Variants in AFAP1 observed in about 807,000 individuals in gnomAD.
AFAP1 encodes the protein actin filament associated protein 1.
In AFAP1, 75 loss-of-function variants were observed where a neutral mutation model predicts 93.9. The ratio of observed to expected loss-of-function variants is 0.80; its 90% CI spans 0.66 to 0.97. The LOEUF is 0.97. Among genes scored for constraint, AFAP1 ranks in the 50% least tolerant of loss-of-function variants. The pLI is 0.00. For missense variants in AFAP1, 1,201 were observed against 1,050.8 expected (o/e 1.14, Z -1.98); for synonymous variants, 517 against 430.7 (o/e 1.20, Z -2.48).
intron 10 of AFAP1, among the ~76,000 whole-genome samples, chr4:7,796,345 G>C (rs764692718): frequency 3.3e-5 from 5 of 152,180 alleles, no homozygotes; most frequent in Non-Finnish European, 7.3e-5. Flanking sequence ...CTTTATTACA[G>C]GGACATGGCA....
At chr4:7,889,408 C>T (rs7676488) in intron 1 of AFAP1, among the ~76,000 whole-genome samples, 17,022 of 151,296 alleles carry the variant, frequency 0.11, 1,663 homozygotes, top group East Asian at 0.5. Flanking sequence ...ATTAGCCAGG[C>T]GTGGTGGCAC....
intron 1 of AFAP1, among the ~76,000 whole-genome samples, chr4:7,878,130 A>G (rs903056817): frequency 3.3e-5 from 5 of 152,154 alleles, no homozygotes; most frequent in Non-Finnish European, 5.9e-5. Context: ...TAATACAAAC[A>G]TGTCTTTCCC....
intron 1 of AFAP1, among the ~76,000 whole-genome samples, chr4:7,896,754 C>T (rs1310003386): frequency 1.8e-5 from 2 of 112,064 alleles, no homozygotes; most frequent in Admixed American, 1.8e-4. Context: ...ACACCCAATG[C>T]TCAGTCCTCA....
At chr4:7,932,141 G>A (rs1721105277) in intron 1 of AFAP1, among the ~76,000 whole-genome samples, 1 of 152,000 alleles carries the variant, frequency 6.6e-6, no homozygotes, top group Admixed American at 6.6e-5. Flanking sequence ...ACAGGTGTGA[G>A]CCACCACGCC....
rs745840369 is a variant in AFAP1, at chr4:7,786,237, C to G, written c.1487G>C (p.Gly496Ala). 1.2e-6 allele frequency: 2 copies of G among 1,614,134 alleles called. No homozygotes were observed. Among genetic ancestry groups the G allele is most frequent in the Non-Finnish European group, 1.7e-6 (2 of 1,180,036 alleles). The stretch of plus-strand genomic sequence containing the variant: ...GACATCGTCATAATGAAGTGCCGTC[C>G]CGCTGGGGTGGGCATAGCCGTTGGA... ...GTSNGYAHPS[G>A]TALHYDDVPC... The change falls in exon 12 of 18, where the codon GGG becomes GCG. Residue 496 changes from glycine (G) to alanine (A), a missense_variant. Transcript: ENST00000420658.
At chr4:7,851,224 A>G (rs1165802369) in intron 4 of AFAP1, among the ~76,000 whole-genome samples, 1 of 152,134 alleles carries the variant, frequency 6.6e-6, no homozygotes, top group Non-Finnish European at 1.5e-5. Context: ...TGAGACACCA[A>G]GAGAAGAGGA....
At chr4:7,770,140 A>G (rs1715216282) in intron 16 of AFAP1, among the ~76,000 whole-genome samples, 1 of 152,214 alleles carries the variant, frequency 6.6e-6, no homozygotes, top group African/African-American at 2.4e-5. Flanking sequence ...ACAGAGGGGA[A>G]GTCGCAAAGC....
intron 6 of AFAP1, among the ~76,000 whole-genome samples, chr4:7,821,066 C>T (rs1046489601): frequency 1.3e-5 from 2 of 152,094 alleles, no homozygotes; most frequent in Non-Finnish European, 2.9e-5. Context: ...TGCGGTGAGC[C>T]GAGATCGCAC....
chr4:7,933,912 T>C (rs1355776635), intron 1 of AFAP1, among the ~76,000 whole-genome samples: 1 of 152,198 alleles, frequency 6.6e-6, no homozygotes, highest in South Asian at 2.1e-4. Context: ...GATGATACAA[T>C]TTCAATTATT....
chr4:7,843,067 A>G (rs866441226), intron 5 of AFAP1, 72 bp downstream of exon 5: 2 of 1,503,516 alleles, frequency 1.3e-6, no homozygotes, highest in South Asian at 2.4e-5. Flanking sequence ...GTTAATGGTG[A>G]CTGGATATAA....
Position 7,848,674 on chromosome 4 carries a change from A to G in AFAP1, c.335-5324T>C, listed in dbSNP as rs1339520562. Among the ~76,000 whole-genome samples the G allele has an allele frequency of 2.0e-5, 3 of 152,258 alleles. No individual in the cohort carries two copies. The East Asian group carries it at 5.8e-4, about 30-fold the overall frequency. ...CCCCGTGTGGACCACTCAGACCCAC[A>G]TGCCAGTGTCCAGTGTCCTCTGGAA... On this transcript the variant is annotated intron_variant, in intron 4 of 17. Transcript: ENST00000420658.
At chr4:7,910,465 C>T (rs1719664801) in intron 1 of AFAP1, among the ~76,000 whole-genome samples, 1 of 152,116 alleles carries the variant, frequency 6.6e-6, no homozygotes, top group South Asian at 2.1e-4. Context: ...GGAATTTATG[C>T]CATCAACCAG....
chr4:7,786,457 G>A, intron 11 of AFAP1, 146 bp from the exon 12 acceptor site: 1 of 691,236 alleles, frequency 1.4e-6, no homozygotes, highest in Non-Finnish European at 2.5e-6. Context: ...AATCTCGGCA[G>A]AAATGAGATG....
chr4:7,838,289 G>T (rs937212282), intron 6 of AFAP1, among the ~76,000 whole-genome samples: 2 of 152,124 alleles, frequency 1.3e-5, no homozygotes, highest in Admixed American at 6.6e-5. Context: ...AGAGAAAGTC[G>T]TCGAAGCAGC....
intron 17 of AFAP1, among the ~76,000 whole-genome samples, chr4:7,768,232 G>A (rs573343888): frequency 1.4e-4 from 21 of 152,330 alleles, no homozygotes; most frequent in Middle Eastern, 3.4e-3. Context: ...AGCACTTTCC[G>A]CTGCTGCCGC....
chr4:7,919,801 C>T (rs895075241), intron 1 of AFAP1, among the ~76,000 whole-genome samples: 1 of 152,050 alleles, frequency 6.6e-6, no homozygotes, highest in African/African-American at 2.4e-5. Context: ...CTCCCCTCGC[C>T]CCACCCCCAA....
At chr4:7,835,255 T>C (rs373041343) in intron 6 of AFAP1, among the ~76,000 whole-genome samples, 1 of 27,326 alleles carries the variant, frequency 3.7e-5, no homozygotes, top group Non-Finnish European at 9.4e-5. Flanking sequence ...CGGGCGGCCT[T>C]AAGGTTACCT....
intron 12 of AFAP1, among the ~76,000 whole-genome samples, chr4:7,783,630 G>A (rs1716989150): frequency 6.6e-6 from 1 of 152,234 alleles, no homozygotes; most frequent in African/African-American, 2.4e-5. Flanking sequence ...GAGCCCTTTA[G>A]GAATGGCAGA....
At chr4:7,842,503 AG>A (rs1713157197) in intron 5 of AFAP1, among the ~76,000 whole-genome samples, 1 of 151,930 alleles carries the variant, frequency 6.6e-6, no homozygotes, top group Non-Finnish European at 1.5e-5. Context: ...TCTAAAAAAA[AG>A]GCAGGAGGAA....
Sources: allele counts gnomAD v4.1 joint callset (sites outside exome capture counted in the v4.1 genomes callset), GRCh38; gene constraint gnomAD v4.1.1; transcripts MANE v1.5; gene names NCBI Gene and HGNC (gene_info 2026-07-23, HGNC 2026-07-21).